Variants in LIMS1 observed in about 807,000 individuals in gnomAD.
The protein encoded by LIMS1 is LIM and senescent cell antigen-like-containing domain protein 1.
LIMS1 carries 18 observed loss-of-function variants against 44.1 expected under a neutral mutation model. The ratio of observed to expected loss-of-function variants is 0.41; its 90% confidence interval spans 0.28 to 0.61. LIMS1 has a LOEUF of 0.61. Ranked by LOEUF, LIMS1 falls within the 20% of genes least tolerant of loss-of-function variation. The pLI is 0.32. For synonymous variants in LIMS1, 93 were observed against 149.1 expected (o/e 0.62, Z 2.74); for missense variants, 201 against 422.0 (o/e 0.48, Z 4.59).
intron 1 of LIMS1, among the ~76,000 whole-genome samples, chr2:108,587,065 G>A (rs563062524): frequency 1.6e-4 from 24 of 152,312 alleles, no homozygotes; most frequent in African/African-American, 5.8e-4. Context: ...AAGCCTGTGA[G>A]GTTCCCCCAG....
chr2:108,566,858 A>G (rs1297106209), intron 1 of LIMS1, among the ~76,000 whole-genome samples: 1 of 152,130 alleles, frequency 6.6e-6, no homozygotes, highest in Admixed American at 6.5e-5. Flanking sequence ...CAGCCTTCCA[A>G]CGTGCTGGGA....
intron 1 of LIMS1, among the ~76,000 whole-genome samples, chr2:108,536,782 C>T (rs1684157617): frequency 6.6e-6 from 1 of 152,116 alleles, no homozygotes; most frequent in Non-Finnish European, 1.5e-5. Flanking sequence ...AGGGTTTCGC[C>T]ATGTTGTCCA....
Position 108,644,365 on chromosome 2 carries a change from G to A in LIMS1, c.33-15240G>A, listed in dbSNP as rs574233299. On this transcript the variant is annotated intron_variant, in intron 1 of 9. Transcript: ENST00000544547. Reference sequence around the variant, plus strand: ...TACCCAGGCAAACAGGGTCTGGAGCGGACCTCCAGCAAACTCCAGCAGACC... The same window carrying A: ...TACCCAGGCAAACAGGGTCTGGAGCAGACCTCCAGCAAACTCCAGCAGACC... 1.7e-3 allele frequency among the ~76,000 whole-genome samples: 263 copies of A among 152,254 alleles called. 2 individuals are homozygous for A. Among genetic ancestry groups the A allele is most frequent in the African/African-American group, 5.4e-3 (226 of 41,544 alleles).
chr2:108,672,983 A>G lies in LIMS1; in HGVS notation c.484A>G (p.Lys162Glu). 3.0e-6 allele frequency: 4 copies of G among 1,312,776 alleles called. 1 individual carries two copies. The African/African-American group carries it at 4.9e-5, about 16-fold the overall frequency. The allele number at this position is 1,312,776 out of a possible 1,614,324, so 81.3% of individuals were successfully genotyped here. ...CATCGATGAGCAGCCTCTGATATTC[A>G]AGAACGACCCCTACCATCCAGACCA... Residue 162 changes from lysine (K) to glutamate (E), a missense_variant, in exon 5 of 10, where the codon AAG becomes GAG. Physicochemically the swap from Lys to Glu is moderately conservative, Grantham distance 56. Transcript: ENST00000544547.
At chr2:108,564,927 G>T (rs1045442199) in intron 1 of LIMS1, among the ~76,000 whole-genome samples, 13 of 151,850 alleles carry the variant, frequency 8.6e-5, no homozygotes, top group African/African-American at 3.1e-4. Context: ...GTACCCCAAG[G>T]TTACAGGGAA....
chr2:108,675,117 A>G (rs1001369815), intron 5 of LIMS1, among the ~76,000 whole-genome samples: 13 of 152,132 alleles, frequency 8.5e-5, no homozygotes, highest in African/African-American at 3.1e-4. Context: ...CTAGTCTCCC[A>G]ACTTCTCAGT....
intron 1 of LIMS1, among the ~76,000 whole-genome samples, chr2:108,644,327 C>T (rs1348771478): frequency 6.6e-6 from 1 of 152,178 alleles, no homozygotes; most frequent in African/African-American, 2.4e-5. Flanking sequence ...CAGCCTGCAG[C>T]CCCCGCCAGT....
intron 1 of LIMS1, chr2:108,588,644 T>G (rs1686218827): frequency 1.0e-6 from 1 of 979,554 alleles, no homozygotes; most frequent in Non-Finnish European, 1.2e-6. Context: ...GTTGTATTTC[T>G]GGATTTGTTT....
intron 1 of LIMS1, among the ~76,000 whole-genome samples, chr2:108,602,098 C>G (rs1221811832): frequency 6.6e-6 from 1 of 151,988 alleles, no homozygotes; most frequent in Admixed American, 6.5e-5. Flanking sequence ...ATTTCTTTTT[C>G]AGGTCATTCA....
At position 108,659,128 on chromosome 2, in the gene LIMS1, A is replaced by C. The variant is rs944585084; in HGVS notation, c.33-477A>C. ...CAGTTGTTTTCCACAGGATTTAATC[A>C]AAGGGATAACCCGTGTCTAGGTTAT... On this transcript the variant is annotated intron_variant, in intron 1 of 9. Transcript: ENST00000544547. 8 of 981,182 alleles carry C rather than the reference A, an allele frequency of 8.2e-6. No individual in the cohort carries two copies. In the African/African-American group the frequency reaches 1.4e-4, roughly 17 times the overall value. 60.8% of individuals were successfully genotyped at this position (981,182 alleles called of 1,614,324 possible).
At chr2:108,618,055 C>T (rs1265667440) in intron 1 of LIMS1, among the ~76,000 whole-genome samples, 1 of 152,174 alleles carries the variant, frequency 6.6e-6, no homozygotes, top group African/African-American at 2.4e-5. Flanking sequence ...TTCCCCATCA[C>T]TGCAAGTGTC....
intron 1 of LIMS1, among the ~76,000 whole-genome samples, chr2:108,606,330 G>C (rs1300640101): frequency 6.6e-6 from 1 of 152,214 alleles, no homozygotes; most frequent in Admixed American, 6.5e-5. Context: ...AGAAGCTGAA[G>C]GTCAGACTTT....
intron 1 of LIMS1, among the ~76,000 whole-genome samples, chr2:108,589,554 T>C (rs1260727683): frequency 6.6e-6 from 1 of 152,204 alleles, no homozygotes; most frequent in Non-Finnish European, 1.5e-5. Context: ...CTGCTAACAT[T>C]GGGCCTAGTT....
At chr2:108,535,010 C>G (rs1019573368) in intron 1 of LIMS1, among the ~76,000 whole-genome samples, 1 of 152,190 alleles carries the variant, frequency 6.6e-6, no homozygotes, top group Non-Finnish European at 1.5e-5. Context: ...AACCGAGACA[C>G]TGAAGTTACT....
chr2:108,643,073 A>T (rs1573533402), intron 1 of LIMS1, among the ~76,000 whole-genome samples: 1 of 152,192 alleles, frequency 6.6e-6, no homozygotes, highest in East Asian at 1.9e-4. Flanking sequence ...TAAAGTAGAA[A>T]TCACTCTGCT....
intron 1 of LIMS1, among the ~76,000 whole-genome samples, chr2:108,631,086 A>G (rs1688894671): frequency 6.6e-6 from 1 of 152,232 alleles, no homozygotes; most frequent in Non-Finnish European, 1.5e-5. Flanking sequence ...GGGACACTTA[A>G]TGAGTCAGCT....
chr2:108,535,904 T>A (rs1264373481), intron 1 of LIMS1, among the ~76,000 whole-genome samples: 1 of 152,216 alleles, frequency 6.6e-6, no homozygotes, highest in African/African-American at 2.4e-5. Context: ...ATTCAGCTCA[T>A]CGCTCTATTA....
At chr2:108,608,817 C>G (rs138728270) in intron 1 of LIMS1, among the ~76,000 whole-genome samples, 9 of 152,280 alleles carry the variant, frequency 5.9e-5, no homozygotes, top group Non-Finnish European at 1.2e-4. Context: ...CCAGTTTCTA[C>G]TTCCGAGAAA....
At chr2:108,670,760 T>C in intron 2 of LIMS1, 21 bp from the exon 3 acceptor site, 1 of 1,612,020 alleles carries the variant, frequency 6.2e-7, no homozygotes, top group Non-Finnish European at 8.5e-7. Flanking sequence ...GTTTGTAAGT[T>C]GGTGGTACCC....
Sources: allele counts gnomAD v4.1 joint callset (sites outside exome capture counted in the v4.1 genomes callset), GRCh38; gene constraint gnomAD v4.1.1; transcripts MANE v1.5; gene names NCBI Gene and HGNC (gene_info 2026-07-23, HGNC 2026-07-21).